SYNPR: variants seen among roughly 807,000 people sequenced by gnomAD.
SYNPR encodes the protein synaptoporin.
In SYNPR, 23 loss-of-function variants were observed where a neutral mutation model predicts 32.9. That is an observed-to-expected ratio of 0.70 (90% CI 0.50 to 0.99). The LOEUF (loss-of-function observed/expected upper bound fraction) is 0.99, where lower values mean the gene tolerates loss of function less well. SYNPR is among the 50% of genes least tolerant of loss of function. The pLI, the probability that SYNPR is intolerant of heterozygous loss-of-function variation, is 0.00. For synonymous variants in SYNPR, 146 were observed against 135.9 expected, an observed-to-expected ratio of 1.07 and a Z score of -0.52; for missense variants, 318 against 349.3, an observed-to-expected ratio of 0.91 and a Z score of 0.71.
At chr3:63,276,908 CCA>C (rs140404987), upstream of SYNPR, among the ~76,000 whole-genome samples, 37,001 of 132,434 alleles carry the variant, frequency 0.28, 4,655 homozygotes, top group South Asian at 0.41. Context: ...CCCACCCCCC[CCA>C]CCAACACACA....
chr3:63,602,155 G>A (rs149072944), intron 4 of SYNPR, among the ~76,000 whole-genome samples: 18 of 152,230 alleles, frequency 1.2e-4, no homozygotes, highest in South Asian at 1.0e-3. Context: ...TTTTGAAAGC[G>A]TCTGTTCATG....
chr3:63,375,626 G>A (rs1025759630), intron 2 of SYNPR, among the ~76,000 whole-genome samples: 4 of 152,184 alleles, frequency 2.6e-5, no homozygotes, highest in African/African-American at 7.2e-5. Flanking sequence ...TATAAATGAC[G>A]AGTTGATGTG....
At chr3:63,313,126 A>G (rs957890540) in intron 2 of SYNPR, among the ~76,000 whole-genome samples, 7 of 152,030 alleles carry the variant, frequency 4.6e-5, no homozygotes, top group South Asian at 2.1e-4. Flanking sequence ...AGTCCCAGAT[A>G]CTGATACCAT....
intron 2 of SYNPR, among the ~76,000 whole-genome samples, chr3:63,403,283 A>G (rs1560218911): frequency 6.6e-6 from 1 of 152,148 alleles, no homozygotes; most frequent in Non-Finnish European, 1.5e-5. Context: ...AATATTGCAT[A>G]AATGGATTTG....
At chr3:63,320,417 G>T (rs141587896) in intron 2 of SYNPR, among the ~76,000 whole-genome samples, 65 of 152,126 alleles carry the variant, frequency 4.3e-4, no homozygotes, top group African/African-American at 1.5e-3. Flanking sequence ...CCTTCTGGTA[G>T]ATACTTGCAG....
chr3:63,502,349 C>T (rs1470895412), intron 3 of SYNPR, among the ~76,000 whole-genome samples: 7 of 151,914 alleles, frequency 4.6e-5, no homozygotes, highest in African/African-American at 1.7e-4. Context: ...ATATCCCCCA[C>T]CAGAGTAGTG....
At chr3:63,361,025 G>A (rs763250194) in intron 2 of SYNPR, among the ~76,000 whole-genome samples, 12 of 152,100 alleles carry the variant, frequency 7.9e-5, no homozygotes, top group South Asian at 2.1e-4. Flanking sequence ...GATAAATATC[G>A]GAATAAATTA....
In SYNPR at chr3:63,606,426, T is replaced by C. The variant is rs953345885; in HGVS notation, c.409-2699T>C. 7.5e-5 allele frequency among the ~76,000 whole-genome samples: 10 copies of C among 134,082 alleles called. 1 individual carries two copies. The highest frequency in any genetic ancestry group is 2.5e-4 in the African/African-American group (9 of 36,232). 88.0% of individuals were successfully genotyped at this position (134,082 alleles called of 152,430 possible). On this transcript the variant is annotated intron_variant, in intron 4 of 5. Transcript: ENST00000478300. ...GGACCTCAAATCCTTTCTTTTTTTT[T>C]TTTTTTTTTTTTTAGCAATGAGATC...
chr3:63,376,248 C>G (rs1195119495), intron 2 of SYNPR, among the ~76,000 whole-genome samples: 2 of 152,132 alleles, frequency 1.3e-5, no homozygotes, highest in Non-Finnish European at 2.9e-5. Context: ...TCTGGTTTTA[C>G]CTCTCTAAAA....
chr3:63,222,023 T>C, the SYNPR span, among the ~76,000 whole-genome samples: 1 of 139,302 alleles, frequency 7.2e-6, no homozygotes, highest in South Asian at 2.4e-4. Context: ...TTTTTTTTTT[T>C]TTTTTTTTTT....
chr3:63,473,954 T>A (rs573166711), intron 2 of SYNPR, among the ~76,000 whole-genome samples: 2 of 152,326 alleles, frequency 1.3e-5, no homozygotes, highest in South Asian at 4.1e-4. Context: ...ACTGTCTTAG[T>A]CATGTTTCCC....
Position 63,615,285 on chromosome 3 carries a change from C to T in SYNPR, c.662C>T (p.Thr221Ile), listed in dbSNP as rs1407999588. The T allele has an allele frequency of 3.1e-6, 5 of 1,613,650 alleles. No homozygotes were observed. The African/African-American group carries it at 6.7e-5, about 22-fold the overall frequency. ...AGNIWFVFKETGWHSSGQRYL... is the reference protein window; with the variant it reads ...AGNIWFVFKEIGWHSSGQRYL... ...AACATATGGTTTGTTTTCAAGGAGA[C>T]CGGCTGGCATTCTTCGGGACAGAGA... The change falls in exon 6 of 6, where the codon ACC becomes ATC. Residue 221 changes from threonine to isoleucine, a missense_variant. By Grantham distance (89) the Thr-to-Ile change is moderately conservative. Transcript: ENST00000478300.
At chr3:63,274,240 C>T (rs778158345), upstream of SYNPR, among the ~76,000 whole-genome samples, 8 of 152,038 alleles carry the variant, frequency 5.3e-5, no homozygotes, top group Non-Finnish European at 1.2e-4. Flanking sequence ...AATATGAAAC[C>T]CAGGTATATT....
chr3:63,280,843 C>T (rs111678934), intron 2 of SYNPR, among the ~76,000 whole-genome samples: 35 of 152,138 alleles, frequency 2.3e-4, no homozygotes, highest in Non-Finnish European at 4.3e-4. Context: ...CCTCTCTCTT[C>T]CAGGATTCTA....
chr3:63,566,728 C>T (rs116179872), intron 4 of SYNPR, among the ~76,000 whole-genome samples: 54 of 152,280 alleles, frequency 3.5e-4, no homozygotes, highest in African/African-American at 1.3e-3. Flanking sequence ...CTCTATACTT[C>T]TGAGTCTTCA....
intron 3 of SYNPR, among the ~76,000 whole-genome samples, chr3:63,504,891 G>C (rs1043020661): frequency 6.6e-6 from 1 of 152,134 alleles, no homozygotes; most frequent in African/African-American, 2.4e-5. Flanking sequence ...TGTGACTCAC[G>C]TGGACAGAGG....
intron 2 of SYNPR, among the ~76,000 whole-genome samples, chr3:63,260,657 A>C (rs953674697): frequency 3.3e-5 from 5 of 152,216 alleles, no homozygotes; most frequent in Admixed American, 6.5e-5. Flanking sequence ...GGACATAGGC[A>C]TGGGCAAAGA....
intron 2 of SYNPR, among the ~76,000 whole-genome samples, chr3:63,311,379 G>T (rs922762827): frequency 1.3e-5 from 2 of 151,964 alleles, no homozygotes; most frequent in African/African-American, 4.8e-5. Context: ...TATAAAAGTA[G>T]ATAATGTAGA....
At chr3:63,588,608 T>A (rs1456400267) in intron 4 of SYNPR, among the ~76,000 whole-genome samples, 2 of 152,150 alleles carry the variant, frequency 1.3e-5, no homozygotes, top group East Asian at 3.9e-4. Flanking sequence ...AGATTCACTT[T>A]TGACTAACTA....
Sources: allele counts gnomAD v4.1 joint callset (sites outside exome capture counted in the v4.1 genomes callset), GRCh38; gene constraint gnomAD v4.1.1; transcripts MANE v1.5; gene names NCBI Gene and HGNC (gene_info 2026-07-23, HGNC 2026-07-21).